CNOT4: variants seen among roughly 807,000 people sequenced by gnomAD.
The protein encoded by CNOT4 is CCR4-NOT transcription complex subunit 4, also known as CCR4-associated factor 4.
A neutral mutation model predicts 73.8 loss-of-function variants in CNOT4; 8 were observed. The observed-to-expected ratio is 0.11, with a 90% CI of 0.06 to 0.20. The LOEUF (loss-of-function observed/expected upper bound fraction) is 0.20. CNOT4 is among the 10% of genes least tolerant of loss of function. The pLI is 1.00. For missense variants in CNOT4, 564 were observed against 883.4 expected (o/e 0.64, Z 4.58); for synonymous variants, 293 against 321.1 (o/e 0.91, Z 0.94).
intron 1 of CNOT4, among the ~76,000 whole-genome samples, chr7:135,438,864 A>G (rs1799311646): frequency 6.6e-6 from 1 of 152,220 alleles, no homozygotes; most frequent in Admixed American, 6.5e-5. Context: ...ATCTATAGTT[A>G]CATGTTAACA....
intron 10 of CNOT4, chr7:135,384,550 G>C: frequency 3.0e-6 from 2 of 664,666 alleles, no homozygotes; most frequent in East Asian, 5.4e-5. Context: ...CTCCCAAAGT[G>C]TTGGGATTAC....
intron 10 of CNOT4, among the ~76,000 whole-genome samples, chr7:135,393,368 T>C (rs143139051): frequency 2.8e-4 from 42 of 152,308 alleles, no homozygotes; most frequent in African/African-American, 9.6e-4. Context: ...AAGGTGTATG[T>C]CTGAGACATA....
chr7:135,460,768 T>G (rs568744936), intron 1 of CNOT4, among the ~76,000 whole-genome samples: 11 of 152,082 alleles, frequency 7.2e-5, no homozygotes, highest in African/African-American at 2.4e-4. Flanking sequence ...AACCTTCAAT[T>G]TGAAAAAAAA....
chr7:135,487,832 T>A (rs1365957680), intron 1 of CNOT4, among the ~76,000 whole-genome samples: 1 of 152,130 alleles, frequency 6.6e-6, no homozygotes, highest in Non-Finnish European at 1.5e-5. Flanking sequence ...GGCAGGCGGA[T>A]CACGAGGTCA....
At chr7:135,422,722 G>A (rs187254594) in intron 2 of CNOT4, among the ~76,000 whole-genome samples, 2 of 152,008 alleles carry the variant, frequency 1.3e-5, no homozygotes, top group East Asian at 3.9e-4. Flanking sequence ...TCTAAATGTG[G>A]GTTTTACACA....
chr7:135,415,388 A>G (rs1797808611), intron 3 of CNOT4, 126 bp from the exon 4 acceptor site: 1 of 558,764 alleles, frequency 1.8e-6, no homozygotes, highest in Non-Finnish European at 3.1e-6. Context: ...TTTCTAATAA[A>G]TGTCACTACC....
Position 135,394,181 on chromosome 7 carries a change from T to C in CNOT4, c.1364A>G (p.His455Arg), listed in dbSNP as rs768850345. Reference protein sequence around the residue: ...TAKGPGSGFLHPAAATNANSL... With the variant: ...TAKGPGSGFLRPAAATNANSL... ...ATTGGCATTTGTAGCTGCAGCAGGA[T>C]GCAGGAATCCAGAGCCTGGACCTTT... The change falls in exon 10 of 12, where the codon CAT becomes CGT. Residue 455 changes from histidine (H) to arginine (R), a missense_variant. Coordinates refer to ENST00000541284, the MANE Select transcript of CNOT4 (RefSeq NM_001190850.2). 3.7e-6 allele frequency: 6 copies of C among 1,614,094 alleles called. No individual in the cohort carries two copies. In the Admixed American group the frequency reaches 8.3e-5, roughly 22 times the overall value.
chr7:135,495,429 C>T (rs995747143), intron 1 of CNOT4, among the ~76,000 whole-genome samples: 19 of 147,840 alleles, frequency 1.3e-4, no homozygotes, highest in Admixed American at 7.7e-4. Context: ...CGCTTGAACC[C>T]GGGAGGCGGA....
chr7:135,379,343 G>T lies in CNOT4; in HGVS notation c.1627+14575C>A, dbSNP rs1412597958. Among the ~76,000 whole-genome samples, 2 of 152,128 alleles carry T rather than the reference G, an allele frequency of 1.3e-5. 1 individual carries two copies. Among genetic ancestry groups the T allele is most frequent in the Non-Finnish European group, 2.9e-5 (2 of 68,016 alleles). On this transcript the variant is annotated intron_variant, in intron 10 of 11. Coordinates refer to ENST00000541284, the MANE Select transcript of CNOT4 (RefSeq NM_001190850.2). ...ATCTACCATTTAAAATGCAGGTGAG[G>T]TCTTAGGAGTTTACATCTATCAACA...
intron 1 of CNOT4, among the ~76,000 whole-genome samples, chr7:135,460,721 T>C (rs928436688): frequency 1.3e-5 from 2 of 151,988 alleles, no homozygotes; most frequent in African/African-American, 2.4e-5. Context: ...TGTTGAAAAA[T>C]GCCACTGATA....
chr7:135,426,594 C>G (rs1798512968), intron 2 of CNOT4, among the ~76,000 whole-genome samples: 1 of 118,530 alleles, frequency 8.4e-6, no homozygotes, highest in African/African-American at 3.2e-5. Context: ...CAGAGCAAGA[C>G]TCCGTCTCAA....
intron 1 of CNOT4, chr7:135,508,921 G>C (rs1229494666): frequency 6.6e-6 from 1 of 150,884 alleles, no homozygotes; most frequent in Non-Finnish European, 1.5e-5. Flanking sequence ...GATAAAACCG[G>C]TCCAAAACGA....
At chr7:135,428,384 T>C (rs987571709) in intron 2 of CNOT4, among the ~76,000 whole-genome samples, 15 of 152,142 alleles carry the variant, frequency 9.9e-5, no homozygotes, top group South Asian at 8.3e-4. Context: ...AGCAGAAATA[T>C]AGCCCACAGA....
chr7:135,376,856 C>G (rs181194188), intron 10 of CNOT4, among the ~76,000 whole-genome samples: 21 of 152,254 alleles, frequency 1.4e-4, no homozygotes, highest in African/African-American at 4.6e-4. Context: ...TTGACAGATT[C>G]TTCATAATCT....
rs376930588 is a variant in CNOT4 at position 135,392,700 on chromosome 7, C to T, written c.1627+1218G>A. Among the ~76,000 whole-genome samples the T allele has an allele frequency of 6.6e-4, 101 of 152,248 alleles. 2 individuals carry two copies. The South Asian group carries it at 0.019, about 29-fold the overall frequency. On this transcript the variant is annotated intron_variant, in intron 10 of 11. Coordinates refer to ENST00000541284, the MANE Select transcript of CNOT4 (RefSeq NM_001190850.2). ...ACTGTGCAAATAACTACATTACGTGCTACCAGGCTTATGTAAATTAACTTC... is the reference window on the plus strand; with the variant it reads ...ACTGTGCAAATAACTACATTACGTGTTACCAGGCTTATGTAAATTAACTTC...
At chr7:135,390,145 A>G (rs1386956770) in intron 10 of CNOT4, among the ~76,000 whole-genome samples, 1 of 151,042 alleles carries the variant, frequency 6.6e-6, no homozygotes, top group East Asian at 1.9e-4. Context: ...AGGGACTTCC[A>G]AGTGTGTGAG....
At chr7:135,414,218 C>T (rs1797726904) in intron 5 of CNOT4, 113 bp downstream of exon 5, 7 of 558,192 alleles carry the variant, frequency 1.3e-5, no homozygotes, top group African/African-American at 3.8e-5. Flanking sequence ...CTAAGACAGA[C>T]TCTTCAAATT....
intron 1 of CNOT4, among the ~76,000 whole-genome samples, chr7:135,470,070 TC>T (rs1218099374): frequency 3.9e-5 from 6 of 151,908 alleles, no homozygotes; most frequent in Non-Finnish European, 8.8e-5. Flanking sequence ...TGATCCACCC[TC>T]CTCAGCCTCC....
At chr7:135,468,152 C>T (rs1801343030) in intron 1 of CNOT4, among the ~76,000 whole-genome samples, 1 of 151,628 alleles carries the variant, frequency 6.6e-6, no homozygotes, top group African/African-American at 2.4e-5. Flanking sequence ...GGAGGCAGAG[C>T]TTGCAGTGAG....
Sources: gnomAD v4.1 joint callset for allele counts (sites outside exome capture counted in the v4.1 genomes callset) on GRCh38, gnomAD v4.1.1 for gene constraint, MANE v1.5 for transcripts, NCBI Gene and HGNC (gene_info 2026-07-23, HGNC 2026-07-21) for gene names.